Variants in KMT2E observed in about 807,000 individuals in gnomAD.
KMT2E encodes lysine methyltransferase 2E (inactive).
KMT2E carries 30 observed loss-of-function variants against 184.6 expected under a neutral mutation model. The ratio of observed to expected loss-of-function variants is 0.16; its 90% CI spans 0.12 to 0.22. The LOEUF (loss-of-function observed/expected upper bound fraction) is 0.22, where lower values mean the gene tolerates loss of function less well. KMT2E is among the 10% of genes least tolerant of loss of function. KMT2E has a pLI of 1.00. For missense variants in KMT2E, 2,023 were observed against 2,237.4 expected (o/e 0.90, Z 1.93); for synonymous variants, 815 against 776.5 (o/e 1.05, Z -0.82).
chr7:105,061,212 C>T (rs763824420), intron 3 of KMT2E, among the ~76,000 whole-genome samples: 1 of 151,514 alleles, frequency 6.6e-6, no homozygotes, highest in Non-Finnish European at 1.5e-5. Context: ...CTGCTAGTCT[C>T]ATGACTAATC....
At chr7:105,090,301 G>C in intron 14 of KMT2E, 28 bp downstream of exon 14, 2 of 1,561,764 alleles carry the variant, frequency 1.3e-6, no homozygotes, top group Non-Finnish European at 1.7e-6. Context: ...CAATGAAATT[G>C]AATAAACAAA....
In KMT2E at chr7:105,060,153, C is replaced by G. The variant is rs561476163; in HGVS notation, c.72-2011C>G. ...GGGATTACAGGTGCCTGCCATCACC[C>G]CTGCCTACTTATTGTATTTTTAGTA... On this transcript the variant is annotated intron_variant, in intron 3 of 26. Coordinates refer to ENST00000311117, the MANE Select transcript of KMT2E (RefSeq NM_182931.3). Among the ~76,000 whole-genome samples, 19 of 151,418 alleles carry G rather than the reference C, an allele frequency of 1.3e-4. No homozygotes were observed. In the East Asian group the frequency reaches 3.5e-3, roughly 28 times the overall value.
chr7:105,090,103 T>C lies in KMT2E; in HGVS notation c.1453T>C (p.Tyr485His), dbSNP rs1482045149. 3.7e-6 allele frequency: 6 copies of C among 1,613,606 alleles called. No homozygotes were observed. The highest frequency in any genetic ancestry group is 5.1e-6 in the Non-Finnish European group (6 of 1,179,870). Residue 485 changes from tyrosine to histidine, a missense_variant, in exon 14 of 27, where the codon TAT becomes CAT. Physicochemically the swap from Tyr to His is moderately conservative, Grantham distance 83. Around this residue, in one of 8 missense-constraint regions of KMT2E, gnomAD observed 514 missense variants for 621.8 expected, o/e 0.83. Coordinates refer to ENST00000311117, the MANE Select transcript of KMT2E (RefSeq NM_182931.3). ...SESMENINSG[Y>H]ETRRKKGKKD... is the part of the protein sequence containing the mutation. ...ATCCATGGAAAATATCAATAGTGGT[T>C]ATGAGACCAGACGGAAAAAAGGAAA...
intron 9 of KMT2E, among the ~76,000 whole-genome samples, 190 bp from the exon 10 acceptor site, chr7:105,076,773 G>A (rs1046244646): frequency 2.0e-5 from 3 of 151,836 alleles, no homozygotes; most frequent in Non-Finnish European, 4.4e-5. Context: ...TGTATCTTTT[G>A]TCCCTGTGGT....
intron 12 of KMT2E, 57 bp from the exon 13 acceptor site, chr7:105,081,631 G>C: frequency 1.2e-6 from 1 of 846,168 alleles, no homozygotes; most frequent in Non-Finnish European, 2.0e-6. Context: ...ATTGTAAGCT[G>C]ATGCTTCTGA....
chr7:105,056,270 A>C (rs1796567636), intron 3 of KMT2E, among the ~76,000 whole-genome samples: 2 of 152,230 alleles, frequency 1.3e-5, no homozygotes, highest in African/African-American at 2.4e-5. Context: ...TTTCAGTGCA[A>C]GTACTTGAAT....
intron 3 of KMT2E, among the ~76,000 whole-genome samples, chr7:105,059,520 A>G (rs1045810160): frequency 2.2e-4 from 34 of 152,226 alleles, no homozygotes; most frequent in African/African-American, 8.0e-4. Flanking sequence ...ACTACCATTT[A>G]TGCAGAAAAG....
Position 105,112,942 on chromosome 7 carries a change from C to T in KMT2E, c.5186C>T (p.Ser1729Phe), listed in dbSNP as rs767437473. The part of the protein sequence containing the change: ...PPPPPSSVLA[S>F]GHHTTSAQAL... ...CCGCCACCTTCCAGTGTTTTGGCTT[C>T]TGGGCATCATACCACATCAGCTCAA... Residue 1729 changes from serine (S) to phenylalanine (F), a missense_variant, in exon 27 of 27, where the codon TCT (serine) becomes TTT (phenylalanine). Physicochemically the swap from Ser to Phe is radical, Grantham distance 155. This residue lies in a region of KMT2E where 1,108 missense variants were observed against 1,050.9 expected (regional missense o/e 1.05). Coordinates refer to ENST00000311117, the MANE Select transcript of KMT2E (RefSeq NM_182931.3). The T allele has an allele frequency of 1.2e-6, 2 of 1,613,876 alleles. No individual in the cohort carries two copies. The highest frequency in any genetic ancestry group is 2.2e-5 in the South Asian group (2 of 91,060).
Position 105,023,211 on chromosome 7 carries a change from TA to T in KMT2E, c.-189+8683del, listed in dbSNP as rs549939966. 8.5e-3 allele frequency among the ~76,000 whole-genome samples: 1,286 copies of T among 151,716 alleles called. 11 individuals carry two copies. The highest frequency in any genetic ancestry group is 0.014 in the Non-Finnish European group (948 of 67,880). On this transcript the variant is annotated intron_variant, in intron 1 of 26. Transcript: ENST00000311117. ...AATTTTGATACTCCCCTTTCTCCAA[TA>T]AAAAAATCCATTACCCCGTCTCTAC...
rs143658725 is a variant in KMT2E, at chr7:105,056,986, C to T, written c.72-5178C>T. Among the ~76,000 whole-genome samples the T allele has an allele frequency of 3.1e-3, 467 of 152,212 alleles. 2 individuals carry two copies. Among genetic ancestry groups the T allele is most frequent in the African/African-American group, 0.011 (451 of 41,524 alleles). On this transcript the variant is annotated intron_variant, in intron 3 of 26. Coordinates refer to ENST00000311117, the MANE Select transcript of KMT2E (RefSeq NM_182931.3). ...AGTTTGGAAGAAAAAATAATAGATGCATGACAGAAGATTGTTAGCAGAGCA... is the reference window on the plus strand; with the variant it reads ...AGTTTGGAAGAAAAAATAATAGATGTATGACAGAAGATTGTTAGCAGAGCA...
At chr7:105,085,568 A>G (rs1797930179) in intron 13 of KMT2E, among the ~76,000 whole-genome samples, 1 of 151,044 alleles carries the variant, frequency 6.6e-6, no homozygotes, top group Admixed American at 6.6e-5. Flanking sequence ...AAATAATAAT[A>G]CAAACACCCA....
chr7:105,043,724 G>C (rs1055714573), intron 3 of KMT2E, among the ~76,000 whole-genome samples: 1 of 152,258 alleles, frequency 6.6e-6, no homozygotes, highest in South Asian at 2.1e-4. Flanking sequence ...TTCCTTTAAA[G>C]TTTTTGATGT....
Position 105,107,636 on chromosome 7 carries a change from G to C in KMT2E, c.3179G>C (p.Arg1060Pro), listed in dbSNP as rs540333731. Residue 1060 changes from arginine (R) to proline (P), a missense_variant, in exon 22 of 27, where the codon CGG becomes CCG. By Grantham distance (103) the Arg-to-Pro change is moderately radical. Around this residue, in one of 8 missense-constraint regions of KMT2E, gnomAD observed 1,108 missense variants for 1,050.9 expected, o/e 1.05. Transcript: ENST00000311117. ...NSQLDSTHSG[R>P]GTMYSSWVKS... ...CAACTGGACTCGACTCACTCTGGAC[G>C]GGGCACAATGTATTCTTCCTGGGTA... 6.2e-7 allele frequency: 1 copy of C among 1,614,122 alleles called. No individual in the cohort carries two copies. Among genetic ancestry groups the C allele is most frequent in the South Asian group, 1.1e-5 (1 of 91,080 alleles).
chr7:105,058,854 G>A, intron 3 of KMT2E, among the ~76,000 whole-genome samples: 1 of 152,092 alleles, frequency 6.6e-6, no homozygotes, highest in East Asian at 1.9e-4. Flanking sequence ...AATTTCCCAT[G>A]GATAAAGAGA....
chr7:105,105,117 G>A (rs1030690100), intron 17 of KMT2E: 17 of 185,128 alleles, frequency 9.2e-5, no homozygotes, highest in Non-Finnish European at 1.5e-4. Flanking sequence ...TCAGTAAGCC[G>A]AGACTGCACC....
chr7:105,103,740 ATGTG>A (rs974720836), intron 17 of KMT2E: 3 of 145,786 alleles, frequency 2.1e-5, no homozygotes, highest in Admixed American at 6.8e-5. Flanking sequence ...GATTTTTAAA[ATGTG>A]TGTGTTTCTG....
At chr7:105,048,525 T>C (rs1353486159) in intron 3 of KMT2E, among the ~76,000 whole-genome samples, 1 of 152,070 alleles carries the variant, frequency 6.6e-6, no homozygotes, top group Non-Finnish European at 1.5e-5. Context: ...GCTCAGTTTC[T>C]CCATACATTT....
rs569582980 is a variant in KMT2E at position 105,015,904 on chromosome 7, T to G, written c.-189+1369T>G. On this transcript the variant is annotated intron_variant, in intron 1 of 26. Coordinates refer to ENST00000311117, the MANE Select transcript of KMT2E (RefSeq NM_182931.3). The stretch of plus-strand genomic sequence containing the variant: ...TTTTTCCTGAAAGGCAAATAAAATG[T>G]CTCCACTTTTGAAAAAAAAAAACAG... Among the ~76,000 whole-genome samples the G allele has an allele frequency of 1.5e-3, 233 of 151,120 alleles. 1 individual carries two copies. Among genetic ancestry groups the G allele is most frequent in the African/African-American group, 5.4e-3 (219 of 40,814 alleles).
At position 105,105,568 on chromosome 7, in the gene KMT2E, G is replaced by C; in HGVS notation, c.2326G>C (p.Gly776Arg). ...VLATQLNSLPGLTYSPHVYST... is the reference protein window; with the variant it reads ...VLATQLNSLPRLTYSPHVYST... ...AGCTACACAACTCAATTCTTTACCAGGTCTCACTTACAGCCCCCATGTATA... is the reference window on the plus strand; with the variant it reads ...AGCTACACAACTCAATTCTTTACCACGTCTCACTTACAGCCCCCATGTATA... Residue 776 changes from glycine (G) to arginine (R), a missense_variant, in exon 18 of 27, where the codon GGT becomes CGT. Gly to Arg is a moderately radical substitution (Grantham distance 125). This residue lies in a region of KMT2E where 514 missense variants were observed against 621.8 expected (regional missense o/e 0.83). Coordinates refer to ENST00000311117, the MANE Select transcript of KMT2E (RefSeq NM_182931.3). The C allele has an allele frequency of 6.2e-7, 1 of 1,613,994 alleles. No individual in the cohort carries two copies. The highest frequency in any genetic ancestry group is 8.5e-7 in the Non-Finnish European group (1 of 1,179,966).
Sources: gnomAD v4.1 joint callset for allele counts (sites outside exome capture counted in the v4.1 genomes callset) on GRCh38, gnomAD v4.1.1 for gene constraint, gnomAD v4.1.1 regional missense constraint, MANE v1.5 for transcripts, NCBI Gene and HGNC (gene_info 2026-07-23, HGNC 2026-07-21) for gene names.